The following CNIH3 variants were observed in gnomAD, a reference collection of about 807,000 sequenced individuals.
The protein encoded by CNIH3 is cornichon family AMPA receptor auxiliary protein 3, also known as protein cornichon homolog 3.
A neutral mutation model predicts 24.1 loss-of-function variants in CNIH3; 14 were observed. The ratio of observed to expected loss-of-function variants is 0.58; its 90% CI spans 0.38 to 0.91. The LOEUF is 0.91. Ranked by LOEUF, CNIH3 falls within the 40% of genes least tolerant of loss-of-function variation. CNIH3 has a pLI of 0.00. For synonymous variants in CNIH3, 68 were observed against 73.8 expected, an observed-to-expected ratio of 0.92 and a Z score of 0.40; for missense variants, 178 against 196.8, an observed-to-expected ratio of 0.90 and a Z score of 0.57.
At chr1:224,664,671 A>G (rs1685513513) in intron 1 of CNIH3, 1 of 152,154 alleles carries the variant, frequency 6.6e-6, no homozygotes. Flanking sequence ...CTTTTTCTTT[A>G]TGGACAAGGA....
chr1:224,592,162 ATG>A (rs145234564), downstream of CNIH3, among the ~76,000 whole-genome samples: 631 of 150,238 alleles, frequency 4.2e-3, 4 homozygotes, highest in African/African-American at 0.015. Context: ...ATGTGTGTGT[ATG>A]TGTGTGTGTG....
intron 3 of CNIH3, among the ~76,000 whole-genome samples, chr1:224,564,863 C>G (rs1680517369): frequency 6.6e-6 from 1 of 152,218 alleles, no homozygotes. Context: ...TGGATAGATA[C>G]AGCTCAATTG....
chr1:224,589,211 C>T (rs1441063641), downstream of CNIH3, among the ~76,000 whole-genome samples: 1 of 152,094 alleles, frequency 6.6e-6, no homozygotes, highest in Non-Finnish European at 1.5e-5. Context: ...AGAAATGCAC[C>T]ACGTTGCTAT....
intron 3 of CNIH3, among the ~76,000 whole-genome samples, chr1:224,598,296 A>G (rs1253941874): frequency 6.6e-6 from 1 of 152,204 alleles, no homozygotes; most frequent in African/African-American, 2.4e-5. Context: ...ATGGGAGACA[A>G]TTGCTGCAAT....
At chr1:224,544,214 T>A (rs1232850015) in intron 2 of CNIH3, among the ~76,000 whole-genome samples, 1 of 152,218 alleles carries the variant, frequency 6.6e-6, no homozygotes, top group Non-Finnish European at 1.5e-5. Flanking sequence ...AGAGTCTTTA[T>A]ATTTATTGCT....
At chr1:224,506,637 T>C (rs1406589527) in intron 1 of CNIH3, among the ~76,000 whole-genome samples, 1 of 152,194 alleles carries the variant, frequency 6.6e-6, no homozygotes, top group African/African-American at 2.4e-5. Flanking sequence ...AGGGTAACAA[T>C]GTGAGATCAG....
At chr1:224,621,388 G>A (rs1683271068) in intron 1 of CNIH3, among the ~76,000 whole-genome samples, 1 of 152,168 alleles carries the variant, frequency 6.6e-6, no homozygotes, top group Admixed American at 6.5e-5. Flanking sequence ...ACAAAAAATG[G>A]GTTTATGTGA....
At chr1:224,521,802 T>C (rs1013597911) in intron 2 of CNIH3, among the ~76,000 whole-genome samples, 7 of 152,208 alleles carry the variant, frequency 4.6e-5, no homozygotes, top group African/African-American at 1.4e-4. Context: ...CTGTGACAGA[T>C]GATTCAGTTA....
At chr1:224,531,681 T>C (rs1272539614) in intron 2 of CNIH3, among the ~76,000 whole-genome samples, 3 of 152,144 alleles carry the variant, frequency 2.0e-5, no homozygotes, top group African/African-American at 7.2e-5. Context: ...TGTGACATGA[T>C]TGGATTTGAA....
At chr1:224,504,312 T>C (rs1330343524) in intron 1 of CNIH3, among the ~76,000 whole-genome samples, 1 of 152,230 alleles carries the variant, frequency 6.6e-6, no homozygotes, top group Admixed American at 6.5e-5. Context: ...TGTTACCCAT[T>C]GTCATCATCA....
At chr1:224,499,998 C>CTTTCTTT (rs548218616) in intron 1 of CNIH3, among the ~76,000 whole-genome samples, 1 of 151,538 alleles carries the variant, frequency 6.6e-6, no homozygotes, top group Non-Finnish European at 1.5e-5. Flanking sequence ...TAATTCCTTT[C>CTTTCTTT]TTTCTTTTTT....
At chr1:224,526,043 C>T (rs1237917976) in intron 2 of CNIH3, among the ~76,000 whole-genome samples, 2 of 152,182 alleles carry the variant, frequency 1.3e-5, no homozygotes, top group Non-Finnish European at 2.9e-5. Flanking sequence ...TTCAGCTGGG[C>T]ACTGTGTCAC....
At chr1:224,530,263 A>C (rs1215994133) in intron 2 of CNIH3, among the ~76,000 whole-genome samples, 2 of 152,218 alleles carry the variant, frequency 1.3e-5, no homozygotes, top group Admixed American at 1.3e-4. Context: ...TTGTTTGTGC[A>C]GTTTCCATGT....
intron 1 of CNIH3, among the ~76,000 whole-genome samples, chr1:224,443,384 C>G (rs1675000787): frequency 6.6e-6 from 1 of 152,026 alleles, no homozygotes; most frequent in South Asian, 2.1e-4. Flanking sequence ...GGAATAAGAG[C>G]CAGACTTGAT....
intron 1 of CNIH3, among the ~76,000 whole-genome samples, chr1:224,668,755 A>T (rs1350041295): frequency 6.6e-6 from 1 of 152,122 alleles, no homozygotes; most frequent in East Asian, 1.9e-4. Context: ...CTGCATTCTT[A>T]TGTTTGAGAA....
intron 4 of CNIH3, chr1:224,575,275 TTGAAC>T (rs1052027680): frequency 8.6e-7 from 1 of 1,163,370 alleles, no homozygotes; most frequent in African/African-American, 1.5e-5. Flanking sequence ...GTCTTCAACT[TTGAAC>T]TGAACAGCCA....
chr1:224,560,826 A>G (rs1231546960), intron 3 of CNIH3, among the ~76,000 whole-genome samples: 1 of 152,174 alleles, frequency 6.6e-6, no homozygotes, highest in African/African-American at 2.4e-5. Context: ...CACTTGAATC[A>G]TCCTGAAACC....
chr1:224,702,103 T>C (rs2125176130), intron 3 of CNIH3, among the ~76,000 whole-genome samples: 1 of 151,150 alleles, frequency 6.6e-6, no homozygotes, highest in East Asian at 1.9e-4. Flanking sequence ...TTTTTTTTTG[T>C]TTCTCTTTCC....
At chr1:224,504,765 T>G (rs188576182) in intron 1 of CNIH3, among the ~76,000 whole-genome samples, 3 of 152,302 alleles carry the variant, frequency 2.0e-5, no homozygotes, top group Admixed American at 2.0e-4. Flanking sequence ...GTAAGTAATT[T>G]AACCTTGCTA....
Sources: allele counts gnomAD v4.1 joint callset (sites outside exome capture counted in the v4.1 genomes callset), GRCh38; gene constraint gnomAD v4.1.1; transcripts MANE v1.5; gene names NCBI Gene and HGNC (gene_info 2026-07-23, HGNC 2026-07-21).